Variants in EIF4G3 observed in about 807,000 individuals in gnomAD.
EIF4G3 encodes eIF-4-gamma 3.
Under a neutral mutation model 186.4 loss-of-function variants are expected in EIF4G3, and 34 were observed. The observed-to-expected ratio is 0.18, with a 90% CI of 0.14 to 0.24. EIF4G3 has a LOEUF of 0.24. Among genes scored for constraint, EIF4G3 ranks in the 10% least tolerant of loss-of-function variants. The pLI is 1.00. For synonymous variants in EIF4G3, 673 were observed against 679.5 expected (o/e 0.99, Z 0.15); for missense variants, 1,536 against 1,948.5 (o/e 0.79, Z 3.99).
chr1:20,856,746 C>T (rs1343298806), intron 25 of EIF4G3, among the ~76,000 whole-genome samples: 1 of 152,294 alleles, frequency 6.6e-6, no homozygotes, highest in Admixed American at 6.5e-5. Flanking sequence ...GCTACGGATA[C>T]ATTGTGTAAA....
At chr1:20,854,748 T>G (rs115900371) in intron 26 of EIF4G3, among the ~76,000 whole-genome samples, 1 of 144,640 alleles carries the variant, frequency 6.9e-6, no homozygotes, top group Non-Finnish European at 1.5e-5. Flanking sequence ...TAAATAAAGG[T>G]CTTAATTAAA....
At chr1:20,854,561 C>T (rs866269527) in intron 26 of EIF4G3, among the ~76,000 whole-genome samples, 1 of 150,708 alleles carries the variant, frequency 6.6e-6, no homozygotes. Context: ...AAAAATCAGC[C>T]AGGTGTGATG....
intron 20 of EIF4G3, among the ~76,000 whole-genome samples, chr1:20,873,670 AGTTT>A (rs753856641): frequency 1.4e-5 from 2 of 147,342 alleles, no homozygotes; most frequent in African/African-American, 2.5e-5. Flanking sequence ...ATCTTTTCTT[AGTTT>A]ATCACTTCCC....
intron 4 of EIF4G3, among the ~76,000 whole-genome samples, chr1:21,020,678 T>C (rs1324864949): frequency 6.6e-6 from 1 of 152,168 alleles, no homozygotes; most frequent in Non-Finnish European, 1.5e-5. Flanking sequence ...TCTAGGTTAA[T>C]ACAGAATATC....
intron 1 of EIF4G3, among the ~76,000 whole-genome samples, 164 bp from the exon 2 acceptor site, chr1:21,176,522 T>C (rs1429918777): frequency 3.3e-5 from 1 of 30,196 alleles, no homozygotes; most frequent in African/African-American, 1.2e-4. Flanking sequence ...GGGGGGAGCC[T>C]GGGGGGAGGA....
At chr1:20,933,368 G>A (rs1335199230) in intron 14 of EIF4G3, among the ~76,000 whole-genome samples, 2 of 152,052 alleles carry the variant, frequency 1.3e-5, no homozygotes, top group Non-Finnish European at 2.9e-5. Context: ...GATAAAACCA[G>A]GGCACCGGCC....
At position 20,973,069 on chromosome 1, in the gene EIF4G3, T is replaced by C. The variant is rs560567632; in HGVS notation, c.524A>G (p.Tyr175Cys). The C allele has an allele frequency of 1.2e-6, 2 of 1,610,788 alleles. No individual in the cohort carries two copies. Among genetic ancestry groups the C allele is most frequent in the East Asian group, 2.2e-5 (1 of 44,854 alleles). Residue 175 changes from tyrosine to cysteine, a missense_variant, in exon 11 of 37, where the codon TAT becomes TGT. Physicochemically the swap from Tyr to Cys is radical, Grantham distance 194 (BLOSUM62 -2). Coordinates refer to ENST00000602326, the MANE Select transcript of EIF4G3 (RefSeq NM_001391906.1). ...AGGCACTATGATAGGTGCTGACTGATACACCGGCTGACTTGGGTAAAAAGG... is the reference window on the plus strand; with the variant it reads ...AGGCACTATGATAGGTGCTGACTGACACACCGGCTGACTTGGGTAAAAAGG... ...GTPFYPSQPVYQSAPIIVPTQ... is the reference protein window; with the variant it reads ...GTPFYPSQPVCQSAPIIVPTQ...
intron 13 of EIF4G3, among the ~76,000 whole-genome samples, chr1:20,943,543 C>T (rs993580564): frequency 6.6e-6 from 1 of 152,198 alleles, no homozygotes; most frequent in Non-Finnish European, 1.5e-5. Flanking sequence ...GCTTCCTTAG[C>T]ACAATAAACA....
Position 20,858,483 on chromosome 1 carries a change from T to C in EIF4G3, c.3245-986A>G, listed in dbSNP as rs146730998. Among the ~76,000 whole-genome samples the C allele has an allele frequency of 5.2e-3, 785 of 152,342 alleles. 7 individuals carry two copies. The highest frequency in any genetic ancestry group is 0.018 in the African/African-American group (754 of 41,584). ...GCTCAAACAATACCAACTTTTATAG[T>C]TTCCCCAGTTTTCCTGTTTAAAACT... On this transcript the variant is annotated intron_variant, in intron 24 of 36. Coordinates refer to ENST00000602326, the MANE Select transcript of EIF4G3 (RefSeq NM_001391906.1).
intron 20 of EIF4G3, among the ~76,000 whole-genome samples, chr1:20,869,970 A>G (rs2078742696): frequency 6.6e-6 from 1 of 152,086 alleles, no homozygotes; most frequent in Non-Finnish European, 1.5e-5. Flanking sequence ...ATCTATCAAA[A>G]TGGATCTCTG....
At chr1:20,857,295 CT>C in intron 25 of EIF4G3, 107 bp downstream of exon 25, 1 of 900,984 alleles carries the variant, frequency 1.1e-6, no homozygotes, top group East Asian at 2.5e-5. Context: ...TTAATAAGTA[CT>C]TTTGAGACAC....
intron 3 of EIF4G3, among the ~76,000 whole-genome samples, chr1:21,060,782 G>GAAAAA (rs34598369): frequency 6.8e-4 from 80 of 117,354 alleles, no homozygotes; most frequent in African/African-American, 1.0e-3. Flanking sequence ...TGTCTCTTAA[G>GAAAAA]AAAAAAAAAA....
In EIF4G3 at chr1:21,055,471, AAACT is replaced by A. The variant is rs1471748912; in HGVS notation, c.-195-4481_-195-4478del. Among the ~76,000 whole-genome samples, 35 of 152,264 alleles carry A rather than the reference AAACT, an allele frequency of 2.3e-4. No homozygotes were observed. In the East Asian group the frequency reaches 6.2e-3, roughly 27 times the overall value. ...AAAATACATTGTATGTTTATCAATT[AAACT>A]AACAAAAGTAAGTTAAAATAAAATC... On this transcript the variant is annotated intron_variant, in intron 3 of 36. Coordinates refer to ENST00000602326, the MANE Select transcript of EIF4G3 (RefSeq NM_001391906.1).
chr1:21,175,739 G>C (rs1012162058), intron 2 of EIF4G3: 2 of 152,368 alleles, frequency 1.3e-5, no homozygotes, highest in Non-Finnish European at 2.9e-5. Flanking sequence ...AATAATTATG[G>C]AAGCCCACTG....
intron 4 of EIF4G3, among the ~76,000 whole-genome samples, chr1:21,040,742 G>A (rs542434557): frequency 1.8e-4 from 27 of 152,124 alleles, no homozygotes; most frequent in Non-Finnish European, 3.4e-4. Flanking sequence ...GAAGGACTCC[G>A]TACTTTTAAA....
chr1:20,970,611 T>A (rs1442931418), intron 11 of EIF4G3, among the ~76,000 whole-genome samples: 3 of 139,008 alleles, frequency 2.2e-5, no homozygotes, highest in Admixed American at 7.2e-5. Context: ...AGACTCCATT[T>A]AAAAAAAAAA....
chr1:20,882,213 AC>A lies in EIF4G3; in HGVS notation c.2425-2694del, dbSNP rs61495504. ...CACACACACACACACACACACACAC[AC>A]AAAATCATTTATTGGATAAGCTACA... On this transcript the variant is annotated intron_variant, in intron 19 of 36. Transcript: ENST00000602326. Among the ~76,000 whole-genome samples the A allele has an allele frequency of 8.9e-4, 54 of 60,884 alleles. 1 individual carries two copies. Among genetic ancestry groups the A allele is most frequent in the Admixed American group, 1.3e-3 (6 of 4,456 alleles). The allele number at this position is 60,884 out of a possible 152,430, so 39.9% of individuals were successfully genotyped here. A position where few individuals can be genotyped will look rare whatever the true frequency, so the allele number is the denominator to read the frequency against.
At chr1:20,926,927 A>T (rs1358668322) in intron 14 of EIF4G3, among the ~76,000 whole-genome samples, 1 of 152,216 alleles carries the variant, frequency 6.6e-6, no homozygotes, top group East Asian at 1.9e-4. Flanking sequence ...TACACATATC[A>T]ATATGCATAA....
At chr1:20,842,270 T>G (rs2068892118) in intron 29 of EIF4G3, among the ~76,000 whole-genome samples, 1 of 152,244 alleles carries the variant, frequency 6.6e-6, no homozygotes, top group Non-Finnish European at 1.5e-5. Context: ...ACATGTTATG[T>G]TGTTCAGATT....
Sources: gnomAD v4.1 joint callset for allele counts (sites outside exome capture counted in the v4.1 genomes callset) on GRCh38, gnomAD v4.1.1 for gene constraint, MANE v1.5 for transcripts, NCBI Gene and HGNC (gene_info 2026-07-23, HGNC 2026-07-21) for gene names.